The following PCDH9 variants were observed in gnomAD, a reference collection of about 807,000 sequenced individuals.
PCDH9 encodes the protein protocadherin 9, also known as protocadherin-9.
In PCDH9, 24 loss-of-function variants were observed where a neutral mutation model predicts 70.6. The ratio of observed to expected loss-of-function variants is 0.34; its 90% confidence interval spans 0.25 to 0.48. The LOEUF is 0.48. PCDH9 is among the 20% of genes least tolerant of loss of function. The pLI is 0.99. For synonymous variants in PCDH9, 562 were observed against 558.5 expected, an observed-to-expected ratio of 1.01 and a Z score of -0.09; for missense variants, 1,281 against 1,503.6, an observed-to-expected ratio of 0.85 and a Z score of 2.45.
chr13:66,429,411 T>G (rs1305409724), intron 4 of PCDH9, among the ~76,000 whole-genome samples: 1 of 135,252 alleles, frequency 7.4e-6, no homozygotes, highest in East Asian at 2.2e-4. Flanking sequence ...TTTTCTTTTA[T>G]AGATTTGTTA....
At chr13:66,311,202 A>T (rs1955553135) in intron 4 of PCDH9, among the ~76,000 whole-genome samples, 2 of 152,182 alleles carry the variant, frequency 1.3e-5, no homozygotes, top group African/African-American at 2.4e-5. Flanking sequence ...TCTTTGCCTT[A>T]ACCAATCTTT....
In PCDH9 at chr13:66,925,679, T is replaced by A. The variant is rs112264226; in HGVS notation, c.3037-22074A>T. 9.5e-3 allele frequency among the ~76,000 whole-genome samples: 1,444 copies of A among 152,052 alleles called. 31 individuals are homozygous for A. The highest frequency in any genetic ancestry group is 0.033 in the African/African-American group (1,388 of 41,538). On this transcript the variant is annotated intron_variant, in intron 2 of 4. Transcript: ENST00000377865. The stretch of plus-strand genomic sequence containing the variant: ...CTTTCTAAATAGCATATTTGGCCAC[T>A]TTTTAATGTATATTCCCTTTATCAA...
At chr13:66,885,899 T>C (rs886171536) in intron 3 of PCDH9, 1 of 152,226 alleles carries the variant, frequency 6.6e-6, no homozygotes, top group Admixed American at 6.5e-5. Context: ...TATTTAAGGA[T>C]ATCTCTGCTA....
chr13:66,997,217 C>T (rs575728607), intron 2 of PCDH9, among the ~76,000 whole-genome samples: 29 of 152,278 alleles, frequency 1.9e-4, no homozygotes, highest in African/African-American at 6.3e-4. Context: ...TTATCTGGCT[C>T]ATGGTTCTAC....
intron 2 of PCDH9, among the ~76,000 whole-genome samples, chr13:67,064,511 A>G (rs2085603241): frequency 6.6e-6 from 1 of 152,208 alleles, no homozygotes; most frequent in South Asian, 2.1e-4. Context: ...TATCATATCA[A>G]ATGCATTAAA....
At chr13:66,654,999 T>TATAG in intron 3 of PCDH9, among the ~76,000 whole-genome samples, 1 of 152,240 alleles carries the variant, frequency 6.6e-6, no homozygotes. Flanking sequence ...GTGCTAGGAT[T>TATAG]ATAGGGGTGA....
intron 3 of PCDH9, among the ~76,000 whole-genome samples, chr13:66,722,922 C>T (rs185165141): frequency 6.1e-5 from 9 of 147,280 alleles, no homozygotes; most frequent in African/African-American, 2.3e-4. Flanking sequence ...GAGCCGAGAT[C>T]GTGCCACTGT....
chr13:67,130,827 G>C (rs1329529579), intron 2 of PCDH9, among the ~76,000 whole-genome samples: 1 of 152,028 alleles, frequency 6.6e-6, no homozygotes, highest in African/African-American at 2.4e-5. Flanking sequence ...GTGGGCCCTG[G>C]CATTAGGCTG....
At chr13:66,818,934 C>CA (rs111342744) in intron 3 of PCDH9, among the ~76,000 whole-genome samples, 6 of 64,370 alleles carry the variant, frequency 9.3e-5, no homozygotes, top group South Asian at 5.8e-4. Flanking sequence ...ACTCCCGTCT[C>CA]AAAAAAAAAC....
At chr13:66,811,346 G>T (rs1328394881) in intron 3 of PCDH9, among the ~76,000 whole-genome samples, 3 of 152,072 alleles carry the variant, frequency 2.0e-5, no homozygotes, top group South Asian at 2.1e-4. Context: ...GGCCCTTGTG[G>T]TCCTATATTA....
chr13:67,198,668 T>C (rs980699841), intron 2 of PCDH9, among the ~76,000 whole-genome samples: 1 of 151,912 alleles, frequency 6.6e-6, no homozygotes, highest in African/African-American at 2.4e-5. Context: ...ATTACCCTTT[T>C]TGGGGGACAG....
At chr13:66,795,170 T>C (rs2080222586) in intron 3 of PCDH9, among the ~76,000 whole-genome samples, 1 of 151,964 alleles carries the variant, frequency 6.6e-6, no homozygotes, top group Non-Finnish European at 1.5e-5. Context: ...ACCAGAAGAG[T>C]TGTGTATTTG....
intron 3 of PCDH9, among the ~76,000 whole-genome samples, chr13:66,679,106 T>G (rs114906938): frequency 0.021 from 3,263 of 151,848 alleles, 89 homozygotes; most frequent in African/African-American, 0.061. Flanking sequence ...TTAAATTAAT[T>G]GAGCTTTTTC....
intron 4 of PCDH9, among the ~76,000 whole-genome samples, chr13:66,422,474 TC>T (rs1304087449): frequency 1.3e-5 from 2 of 152,102 alleles, no homozygotes; most frequent in Non-Finnish European, 2.9e-5. Context: ...CACAGTGCAA[TC>T]AAATTGGAAC....
At chr13:66,719,930 A>G (rs2078919552) in intron 3 of PCDH9, among the ~76,000 whole-genome samples, 1 of 152,194 alleles carries the variant, frequency 6.6e-6, no homozygotes, top group Non-Finnish European at 1.5e-5. Flanking sequence ...TGGTTTAAGT[A>G]AAATCAAGCG....
intron 3 of PCDH9, among the ~76,000 whole-genome samples, chr13:66,895,899 G>A (rs772318036): frequency 1.3e-5 from 2 of 152,092 alleles, no homozygotes; most frequent in African/African-American, 4.8e-5. Flanking sequence ...TTTTCTACAT[G>A]AACAGCTGCA....
intron 2 of PCDH9, among the ~76,000 whole-genome samples, chr13:66,992,244 A>C (rs2084017876): frequency 6.6e-6 from 1 of 152,172 alleles, no homozygotes; most frequent in African/African-American, 2.4e-5. Flanking sequence ...TGCACTCTTC[A>C]AGTAGTTTCT....
intron 2 of PCDH9, among the ~76,000 whole-genome samples, chr13:66,955,662 T>C (rs943057931): frequency 1.3e-5 from 2 of 152,190 alleles, no homozygotes; most frequent in African/African-American, 2.4e-5. Flanking sequence ...AAACACACTT[T>C]AATAACTGGT....
intron 2 of PCDH9, among the ~76,000 whole-genome samples, chr13:67,126,346 G>GT (rs1161670581): frequency 6.6e-6 from 1 of 151,624 alleles, no homozygotes; most frequent in African/African-American, 2.4e-5. Flanking sequence ...AAAACATATG[G>GT]TTTTTTTAAA....
Sources: allele counts gnomAD v4.1 joint callset (sites outside exome capture counted in the v4.1 genomes callset), GRCh38; gene constraint gnomAD v4.1.1; transcripts MANE v1.5; gene names NCBI Gene and HGNC (gene_info 2026-07-23, HGNC 2026-07-21).